THSD7B: variants seen among roughly 807,000 people sequenced by gnomAD.
The protein encoded by THSD7B is thrombospondin type 1 domain containing 7B, also known as thrombospondin type-1 domain-containing protein 7B.
In THSD7B, 138 loss-of-function variants were observed where a neutral mutation model predicts 213.6. That is an observed-to-expected ratio of 0.65 (90% CI 0.56 to 0.74). THSD7B has a LOEUF of 0.74. Ranked by LOEUF, THSD7B falls within the 30% of genes least tolerant of loss-of-function variation. THSD7B has a pLI of 0.00. For missense variants in THSD7B, 1,931 were observed against 1,991.5 expected (o/e 0.97, Z 0.58); for synonymous variants, 742 against 687.0 (o/e 1.08, Z -1.25).
intron 2 of THSD7B, among the ~76,000 whole-genome samples, chr2:137,009,911 C>G (rs1380631711): frequency 6.6e-6 from 1 of 152,216 alleles, no homozygotes; most frequent in Non-Finnish European, 1.5e-5. Flanking sequence ...ATTTCATAAA[C>G]ATTTCCTTAA....
rs1234031720 is a variant in THSD7B at position 137,273,282 on chromosome 2, C to T, written c.2396+620C>T. 3.3e-5 allele frequency among the ~76,000 whole-genome samples: 5 copies of T among 151,932 alleles called. No individual in the cohort carries two copies. In the East Asian group the frequency reaches 7.7e-4, roughly 23 times the overall value. ...AAAAAGAAAATGAATAACTTTTAAA[C>T]TATGTATGTTCCCTGTATATTCCCT... On this transcript the variant is annotated intron_variant, in intron 11 of 27. Transcript: ENST00000409968.
chr2:136,897,134 T>A (rs943346294), intron 2 of THSD7B, among the ~76,000 whole-genome samples: 2 of 151,962 alleles, frequency 1.3e-5, no homozygotes, highest in African/African-American at 2.4e-5. Flanking sequence ...TAAAAAAAAA[T>A]TTGTAGAGAC....
At chr2:137,364,070 T>C (rs574934293) in intron 12 of THSD7B, among the ~76,000 whole-genome samples, 66 of 152,366 alleles carry the variant, frequency 4.3e-4, no homozygotes, top group Non-Finnish European at 7.3e-4. Flanking sequence ...ATCCCTGGAA[T>C]GCAAGGCTGG....
chr2:137,133,874 T>C (rs1688784875), intron 5 of THSD7B, among the ~76,000 whole-genome samples: 1 of 152,292 alleles, frequency 6.6e-6, no homozygotes, highest in East Asian at 1.9e-4. Context: ...ACACTTGCAG[T>C]GCATCTCATA....
At chr2:137,086,597 T>A (rs1415609729) in intron 3 of THSD7B, among the ~76,000 whole-genome samples, 1 of 152,220 alleles carries the variant, frequency 6.6e-6, no homozygotes, top group East Asian at 1.9e-4. Context: ...TATTTTGCCA[T>A]GTATGGTGGC....
intron 2 of THSD7B, chr2:136,990,819 G>A: frequency 8.2e-7 from 1 of 1,221,448 alleles, no homozygotes; most frequent in East Asian, 5.6e-5. Context: ...GGCCGATGGT[G>A]TTTCTTCTGA....
chr2:137,668,426 A>G (rs1434536356), intron 27 of THSD7B, among the ~76,000 whole-genome samples: 1 of 148,252 alleles, frequency 6.7e-6, no homozygotes, highest in Non-Finnish European at 1.5e-5. Context: ...ATGAGACAAA[A>G]TTTAACTGAT....
At chr2:137,297,479 T>TA (rs1683494509) in intron 12 of THSD7B, among the ~76,000 whole-genome samples, 1 of 151,930 alleles carries the variant, frequency 6.6e-6, no homozygotes, top group Admixed American at 6.6e-5. Flanking sequence ...AATACTCAGA[T>TA]ATCTAAAAAG....
chr2:137,173,723 T>C (rs35545225), intron 7 of THSD7B, among the ~76,000 whole-genome samples: 7,027 of 152,212 alleles, frequency 0.046, 201 homozygotes, highest in Admixed American at 0.069. Flanking sequence ...TGTCTTTTGT[T>C]CTGTGTGAAA....
At chr2:136,766,571 G>A (rs968657233) in intron 1 of THSD7B, among the ~76,000 whole-genome samples, 111 of 152,302 alleles carry the variant, frequency 7.3e-4, no homozygotes, top group African/African-American at 2.5e-3. Context: ...CAGGGGACGA[G>A]GGAATGTTGA....
chr2:137,451,991 G>T lies in THSD7B; in HGVS notation c.3138+968G>T, dbSNP rs1687660923. ...CTCTATACATGCTGTTTAATGTAAG[G>T]AAAATCTCATATGTCCTTTCTTAAT... On this transcript the variant is annotated intron_variant, in intron 15 of 27. Coordinates refer to ENST00000409968, the MANE Select transcript of THSD7B (RefSeq NM_001316349.2). 3 of 859,052 alleles carry T rather than the reference G, an allele frequency of 3.5e-6. No homozygotes were observed. In the South Asian group the frequency reaches 1.6e-4, roughly 46 times the overall value. 53.2% of individuals were successfully genotyped at this position (859,052 alleles called of 1,614,324 possible).
intron 5 of THSD7B, among the ~76,000 whole-genome samples, chr2:137,118,293 T>A (rs1688480447): frequency 6.6e-6 from 1 of 152,192 alleles, no homozygotes; most frequent in Non-Finnish European, 1.5e-5. Flanking sequence ...CCACTCAGTT[T>A]GCATTCCACA....
In THSD7B at chr2:136,990,935, C is replaced by T. The variant is rs1237864103; in HGVS notation, c.140-65485C>T. Reference sequence around the variant, plus strand: ...GAGGTGGTTTTGTATCACAAATTAGCAGGTAAATCAGAAGAATCAGATGTG... The same window carrying T: ...GAGGTGGTTTTGTATCACAAATTAGTAGGTAAATCAGAAGAATCAGATGTG... On this transcript the variant is annotated intron_variant, in intron 2 of 27. Coordinates refer to ENST00000409968, the MANE Select transcript of THSD7B (RefSeq NM_001316349.2). 3.7e-6 allele frequency: 5 copies of T among 1,343,084 alleles called. No individual in the cohort carries two copies. The Admixed American group carries it at 1.0e-4, about 27-fold the overall frequency. The allele number at this position is 1,343,084 out of a possible 1,614,324, so 83.2% of individuals were successfully genotyped here.
At chr2:137,004,631 A>G (rs764493874) in intron 2 of THSD7B, among the ~76,000 whole-genome samples, 3 of 152,156 alleles carry the variant, frequency 2.0e-5, no homozygotes, top group Non-Finnish European at 4.4e-5. Context: ...TAAACTCCCA[A>G]TGACAGTCAG....
rs544224023 is a variant in THSD7B, at chr2:137,648,600, A to C, written c.3945+5967A>C. ...GTAATAGTCCATTTGTATACATTAT[A>C]CCACGTGTTCTTTATCCATTCATCC... On this transcript the variant is annotated intron_variant, in intron 21 of 27. Coordinates refer to ENST00000409968, the MANE Select transcript of THSD7B (RefSeq NM_001316349.2). Among the ~76,000 whole-genome samples the C allele has an allele frequency of 2.6e-5, 4 of 152,290 alleles. No homozygotes were observed. In the South Asian group the frequency reaches 8.3e-4, roughly 32 times the overall value.
intron 2 of THSD7B, among the ~76,000 whole-genome samples, chr2:136,941,338 T>C (rs1320108790): frequency 6.6e-6 from 1 of 152,156 alleles, no homozygotes; most frequent in Non-Finnish European, 1.5e-5. Context: ...GTCTTTATAG[T>C]AGCATGATTT....
chr2:137,087,435 TATAAA>T (rs545750539), intron 3 of THSD7B, among the ~76,000 whole-genome samples: 164 of 152,262 alleles, frequency 1.1e-3, no homozygotes, highest in African/African-American at 3.7e-3. Flanking sequence ...TCCCAGAACT[TATAAA>T]ATAATTCAGC....
intron 15 of THSD7B, among the ~76,000 whole-genome samples, chr2:137,517,566 A>G (rs1680094252): frequency 6.6e-6 from 1 of 152,230 alleles, no homozygotes; most frequent in Non-Finnish European, 1.5e-5. Context: ...TGGAGGCAAC[A>G]CATTCCTCAT....
chr2:137,476,783 A>C (rs1403781409), intron 15 of THSD7B, among the ~76,000 whole-genome samples: 1 of 152,048 alleles, frequency 6.6e-6, no homozygotes, highest in African/African-American at 2.4e-5. Context: ...CAGGTGATCC[A>C]CCCACTTCGA....
Sources: gnomAD v4.1 joint callset for allele counts (sites outside exome capture counted in the v4.1 genomes callset) on GRCh38, gnomAD v4.1.1 for gene constraint, MANE v1.5 for transcripts, NCBI Gene and HGNC (gene_info 2026-07-23, HGNC 2026-07-21) for gene names.